TGFBR3: variants seen among roughly 807,000 people sequenced by gnomAD.
TGFBR3 encodes transforming growth factor beta receptor 3.
In TGFBR3, 46 loss-of-function variants were observed where a neutral mutation model predicts 87.9. The observed-to-expected ratio is 0.52, with a 90% CI of 0.41 to 0.67. The LOEUF (loss-of-function observed/expected upper bound fraction) is 0.67. TGFBR3 is among the 30% of genes least tolerant of loss of function. The pLI, the probability that TGFBR3 is intolerant of heterozygous loss-of-function variation, is 0.00. For missense variants in TGFBR3, 866 were observed against 1,041.9 expected (o/e 0.83, Z 2.32); for synonymous variants, 381 against 391.6 (o/e 0.97, Z 0.32).
intron 2 of TGFBR3, among the ~76,000 whole-genome samples, chr1:91,835,490 T>A (rs1377611416): frequency 1.3e-5 from 2 of 152,134 alleles, no homozygotes; most frequent in Non-Finnish European, 2.9e-5. Context: ...AAAGGTAGTT[T>A]ACATATCAGG....
chr1:91,831,226 T>TA (rs879548427), intron 2 of TGFBR3, among the ~76,000 whole-genome samples: 75 of 146,614 alleles, frequency 5.1e-4, no homozygotes, highest in Middle Eastern at 3.5e-3. Flanking sequence ...AAAAACAATT[T>TA]AAAAAAAAAA....
Position 91,704,444 on chromosome 1 carries a change from T to A in TGFBR3, c.2287+4219A>T, listed in dbSNP as rs370055032. 8.5e-5 allele frequency among the ~76,000 whole-genome samples: 13 copies of A among 152,084 alleles called. No homozygotes were observed. The East Asian group carries it at 2.5e-3, about 29-fold the overall frequency. On this transcript the variant is annotated intron_variant, in intron 14 of 16. Coordinates refer to ENST00000212355, the MANE Select transcript of TGFBR3 (RefSeq NM_003243.5). ...TTTTCAGTAAAAACTAGAATCAACCTCCATCTGGAATAAGGCATAGGGTTT... is the reference window on the plus strand; with the variant it reads ...TTTTCAGTAAAAACTAGAATCAACCACCATCTGGAATAAGGCATAGGGTTT...
intron 2 of TGFBR3, among the ~76,000 whole-genome samples, chr1:91,817,998 T>G (rs1676295759): frequency 6.6e-6 from 1 of 152,102 alleles, no homozygotes; most frequent in African/African-American, 2.4e-5. Flanking sequence ...AAGCTTTAAG[T>G]TTAGAGTATA....
At chr1:91,727,892 A>G in intron 6 of TGFBR3, 86 bp from the exon 7 acceptor site, 1 of 1,521,500 alleles carries the variant, frequency 6.6e-7, no homozygotes, top group Non-Finnish European at 9.0e-7. Context: ...TCATGTTTCT[A>G]GTGTCTGGCC....
chr1:91,683,893 G>C, intron 16 of TGFBR3, 36 bp from the exon 17 acceptor site: 1 of 1,528,258 alleles, frequency 6.5e-7, no homozygotes, highest in Non-Finnish European at 8.9e-7. Context: ...GTCAGAGAAA[G>C]ACGCATATTA....
chr1:91,747,932 C>T (rs1424160367), intron 4 of TGFBR3, among the ~76,000 whole-genome samples: 1 of 152,212 alleles, frequency 6.6e-6, no homozygotes, highest in Non-Finnish European at 1.5e-5. Context: ...TAAGCCAATT[C>T]TTTGTAATAA....
At chr1:91,880,761 C>A (rs998826323) in intron 1 of TGFBR3, among the ~76,000 whole-genome samples, 8 of 151,660 alleles carry the variant, frequency 5.3e-5, no homozygotes, top group African/African-American at 7.3e-5. Context: ...TGCCTGTAAT[C>A]CCAACAATTT....
chr1:91,702,662 A>G (rs1671661417), intron 14 of TGFBR3, among the ~76,000 whole-genome samples: 1 of 152,246 alleles, frequency 6.6e-6, no homozygotes, highest in Non-Finnish European at 1.5e-5. Flanking sequence ...AGAAAGTGAT[A>G]AAACAAGATT....
intron 13 of TGFBR3, among the ~76,000 whole-genome samples, chr1:91,709,075 GA>G (rs893576222): frequency 6.6e-6 from 1 of 152,070 alleles, no homozygotes; most frequent in African/African-American, 2.4e-5. Flanking sequence ...GTGTTAGTTT[GA>G]AAAACAGAAA....
chr1:91,813,657 C>T (rs1033287063), intron 2 of TGFBR3, among the ~76,000 whole-genome samples: 2 of 152,160 alleles, frequency 1.3e-5, no homozygotes, highest in Non-Finnish European at 2.9e-5. Flanking sequence ...CAGGTCAGTA[C>T]GAATGATCTA....
intron 4 of TGFBR3, among the ~76,000 whole-genome samples, chr1:91,755,399 C>G (rs780711856): frequency 1.1e-4 from 17 of 152,134 alleles, no homozygotes; most frequent in Non-Finnish European, 2.4e-4. Flanking sequence ...GAATGAACAA[C>G]AGATGTTCCA....
chr1:91,693,813 G>A (rs1409606224), intron 16 of TGFBR3, among the ~76,000 whole-genome samples: 2 of 152,186 alleles, frequency 1.3e-5, no homozygotes, highest in African/African-American at 4.8e-5. Context: ...CAGGCAGGAG[G>A]TTGGAAAAGT....
chr1:91,882,707 T>C (rs1679142027), intron 1 of TGFBR3, among the ~76,000 whole-genome samples: 2 of 152,040 alleles, frequency 1.3e-5, no homozygotes, highest in South Asian at 4.2e-4. Context: ...ATTGCACCAC[T>C]GCACTCCCGC....
rs560810652 is a variant in TGFBR3, at chr1:91,854,796, G to A, written c.61+6675C>T. Among the ~76,000 whole-genome samples, 4 of 152,250 alleles carry A rather than the reference G, an allele frequency of 2.6e-5. No homozygotes were observed. In the South Asian group the frequency reaches 8.3e-4, roughly 32 times the overall value. ...CAGGATTTGTTGGTGCAGTTTGTCT[G>A]CAAAAGCATGTCTAAGTTCTGGTCC... is the stretch of plus-strand genomic sequence containing the variant. On this transcript the variant is annotated intron_variant, in intron 2 of 16. Transcript: ENST00000212355.
chr1:91,834,481 C>T (rs1676985884), intron 2 of TGFBR3, among the ~76,000 whole-genome samples: 1 of 152,178 alleles, frequency 6.6e-6, no homozygotes, highest in Non-Finnish European at 1.5e-5. Context: ...AATCTATCTG[C>T]CTTTGAGAGT....
rs755456776 is a variant in TGFBR3 at position 91,861,603 on chromosome 1, CAGA to C, written c.-75_-73del. 4.9e-6 allele frequency: 6 copies of C among 1,230,098 alleles called. No homozygotes were observed. Among genetic ancestry groups the C allele is most frequent in the Middle Eastern group, 3.7e-4 (2 of 5,334 alleles). 76.2% of individuals were successfully genotyped at this position (1,230,098 alleles called of 1,614,324 possible). A position where few individuals can be genotyped will look rare whatever the true frequency, so the allele number is the denominator to read the frequency against. ...CAGAGCACAGACAATCTTTGCAAATCAGAAGTAGTCTTAAAGTCCCTCCTTGCA... is the reference window on the plus strand; with the variant it reads ...CAGAGCACAGACAATCTTTGCAAATCAGTAGTCTTAAAGTCCCTCCTTGCA... On this transcript the variant is annotated 5_prime_UTR_variant, in exon 2 of 17. Coordinates refer to ENST00000212355, the MANE Select transcript of TGFBR3 (RefSeq NM_003243.5).
chr1:91,704,327 CAA>C (rs68141642), intron 14 of TGFBR3, among the ~76,000 whole-genome samples: 52,733 of 131,674 alleles, frequency 0.4, 9,726 homozygotes, highest in East Asian at 0.47. Context: ...GACTTTGTCT[CAA>C]AAAAAAAAAA....
At chr1:91,882,592 A>C (rs979637246) in intron 1 of TGFBR3, among the ~76,000 whole-genome samples, 3 of 152,004 alleles carry the variant, frequency 2.0e-5, no homozygotes, top group Non-Finnish European at 4.4e-5. Flanking sequence ...AAAATACAAA[A>C]AAATTAGCCG....
At chr1:91,718,401 C>T (rs1469278758) in intron 10 of TGFBR3, among the ~76,000 whole-genome samples, 2 of 152,036 alleles carry the variant, frequency 1.3e-5, no homozygotes, top group Admixed American at 6.6e-5. Flanking sequence ...TGGATGGGGT[C>T]GAACTAGCAG....
Sources: gnomAD v4.1 joint callset for allele counts (sites outside exome capture counted in the v4.1 genomes callset) on GRCh38, gnomAD v4.1.1 for gene constraint, MANE v1.5 for transcripts, NCBI Gene and HGNC (gene_info 2026-07-23, HGNC 2026-07-21) for gene names.